Variants in ZMYM1 observed in about 807,000 individuals in gnomAD.
ZMYM1 encodes zinc finger MYM-type containing 1.
In ZMYM1, 39 loss-of-function variants were observed where a neutral mutation model predicts 60.0. The observed-to-expected ratio is 0.65, with a 90% CI of 0.50 to 0.85. The LOEUF (loss-of-function observed/expected upper bound fraction) is 0.85. ZMYM1 is among the 40% of genes least tolerant of loss of function. The probability of loss-of-function intolerance (pLI) is 0.00; values close to 1 mark genes in which losing one functional copy is unlikely to be tolerated. For missense variants in ZMYM1, 1,171 were observed against 1,309.5 expected, an observed-to-expected ratio of 0.89 and a Z score of 1.63; for synonymous variants, 413 against 454.0, an observed-to-expected ratio of 0.91 and a Z score of 1.15.
At chr1:35,086,488 C>T (rs939387319) in intron 1 of ZMYM1, among the ~76,000 whole-genome samples, 3 of 151,860 alleles carry the variant, frequency 2.0e-5, no homozygotes, top group Non-Finnish European at 4.4e-5. Context: ...CTGTTTGTTG[C>T]TAAATTTGTT....
intron 2 of ZMYM1, among the ~76,000 whole-genome samples, chr1:35,094,835 C>T (rs1035054997): frequency 1.3e-5 from 2 of 151,932 alleles, no homozygotes; most frequent in South Asian, 2.1e-4. Context: ...GGTAACGAAG[C>T]GAGACCCTGT....
At chr1:35,099,406 C>T (rs1251273053) in intron 4 of ZMYM1, among the ~76,000 whole-genome samples, 1 of 152,052 alleles carries the variant, frequency 6.6e-6, no homozygotes, top group Non-Finnish European at 1.5e-5. Context: ...AGCAGATGTC[C>T]CAGACAGATT....
intron 2 of ZMYM1, among the ~76,000 whole-genome samples, chr1:35,095,124 G>GA (rs1210247316): frequency 2.0e-5 from 3 of 151,902 alleles, no homozygotes; most frequent in African/African-American, 7.3e-5. Context: ...CTCCTGCTCT[G>GA]AAAAAATTGT....
At chr1:35,108,277 A>G (rs1643960850) in intron 6 of ZMYM1, among the ~76,000 whole-genome samples, 1 of 152,206 alleles carries the variant, frequency 6.6e-6, no homozygotes, top group Admixed American at 6.5e-5. Context: ...GCCTTTGCCA[A>G]TATCCTGTTC....
intron 4 of ZMYM1, among the ~76,000 whole-genome samples, chr1:35,102,591 G>C (rs575748982): frequency 8.5e-5 from 13 of 152,266 alleles, no homozygotes; most frequent in African/African-American, 3.1e-4. Context: ...GATAAATACT[G>C]TCGTTTTACT....
intron 7 of ZMYM1, among the ~76,000 whole-genome samples, chr1:35,111,365 G>A (rs931451670): frequency 6.6e-6 from 1 of 152,102 alleles, no homozygotes; most frequent in Non-Finnish European, 1.5e-5. Flanking sequence ...ATAGTGGCTT[G>A]GGCACCAACC....
Position 35,106,108 on chromosome 1 carries a change from T to C in ZMYM1, c.807+1339T>C, listed in dbSNP as rs375164280. Among the ~76,000 whole-genome samples, 28 of 152,070 alleles carry C rather than the reference T, an allele frequency of 1.8e-4. 1 individual carries two copies. Among genetic ancestry groups the C allele is most frequent in the African/African-American group, 4.8e-4 (20 of 41,502 alleles). On this transcript the variant is annotated intron_variant, in intron 6 of 9. Transcript: ENST00000359858. ...TGTCTTTAAAAAAACAAACAAAAAA[T>C]ATCACATGCTTTCTCTGAGTCAGTC...
At chr1:35,103,448 A>G (rs1643759776) in intron 4 of ZMYM1, among the ~76,000 whole-genome samples, 1 of 152,148 alleles carries the variant, frequency 6.6e-6, no homozygotes, top group East Asian at 1.9e-4. Flanking sequence ...AATATTTTCA[A>G]GGTTTGTCCA....
chr1:35,112,089 A>G lies in ZMYM1; in HGVS notation c.1105A>G (p.Thr369Ala), dbSNP rs1215674406. Residue 369 changes from threonine (T) to alanine (A), a missense_variant and splice_region_variant, in exon 9 of 10, where the codon ACA becomes GCA. Thr to Ala is a moderately conservative substitution (Grantham distance 58). Coordinates refer to ENST00000359858, the MANE Select transcript of ZMYM1 (RefSeq NM_024772.5). ...PIMNTDVLQD[T>A]VSSVTATADV... ...GAATTTATGCTCTATTTTAACAGAT[A>G]CAGTTTCTTCAGTAACAGCAACAGC... The G allele has an allele frequency of 6.2e-7, 1 of 1,613,218 alleles. No homozygotes were observed. Among genetic ancestry groups the G allele is most frequent in the South Asian group, 1.1e-5 (1 of 90,920 alleles).
intron 4 of ZMYM1, among the ~76,000 whole-genome samples, chr1:35,101,529 T>A (rs1643657015): frequency 6.6e-6 from 1 of 150,380 alleles, no homozygotes; most frequent in Non-Finnish European, 1.5e-5. Context: ...AGTTTCTTCT[T>A]CCTCCCTTCC....
intron 1 of ZMYM1, among the ~76,000 whole-genome samples, chr1:35,072,274 T>G (rs926688974): frequency 6.6e-6 from 1 of 152,226 alleles, no homozygotes; most frequent in Non-Finnish European, 1.5e-5. Context: ...GATTTTCTAT[T>G]TCTTCATCAT....
intron 4 of ZMYM1, among the ~76,000 whole-genome samples, chr1:35,097,941 G>A (rs12117002): frequency 0.72 from 109,423 of 152,120 alleles, 42,789 homozygotes; most frequent in Non-Finnish European, 0.9. Flanking sequence ...GAGTCACTGC[G>A]CCCGGCCATT....
chr1:35,100,364 G>A (rs999424242), intron 4 of ZMYM1, among the ~76,000 whole-genome samples: 1 of 151,128 alleles, frequency 6.6e-6, no homozygotes, highest in East Asian at 2.0e-4. Flanking sequence ...GTTCACACCT[G>A]TAATCCCAGC....
upstream of ZMYM1, chr1:35,079,317 C>G (rs1481776198): frequency 6.6e-6 from 1 of 152,282 alleles, no homozygotes; most frequent in African/African-American, 2.4e-5. Flanking sequence ...CTGGGACCAC[C>G]CTGAGCCAGC....
rs764617157 is a variant in ZMYM1, at chr1:35,110,451, ATGTT to A, written c.961+10_961+13del. 1 of 1,479,472 alleles carries A rather than the reference ATGTT, an allele frequency of 6.8e-7. No homozygotes were observed. The highest frequency in any genetic ancestry group is 9.0e-7 in the Non-Finnish European group (1 of 1,116,962). 91.6% of individuals were successfully genotyped at this position (1,479,472 alleles called of 1,614,324 possible). A position where few individuals can be genotyped will look rare whatever the true frequency, so the allele number is the denominator to read the frequency against. On this transcript the variant is annotated splice_donor_5th_base_variant and intron_variant, in intron 7 of 9. Transcript: ENST00000359858. Reference sequence around the variant, plus strand: ...GCTAAGATGGAATCTTCTTCAGGTAATGTTTGTTTAGCAATTGTAGGGGTTTAGT... The same window carrying A: ...GCTAAGATGGAATCTTCTTCAGGTAATGTTTAGCAATTGTAGGGGTTTAGT...
chr1:35,061,176 T>C (rs1366232348), intron 1 of ZMYM1, among the ~76,000 whole-genome samples: 1 of 152,218 alleles, frequency 6.6e-6, no homozygotes, highest in East Asian at 1.9e-4. Context: ...CAGAAGGCTC[T>C]GGGACACTAG....
chr1:35,073,750 G>A (rs1342690643), intron 1 of ZMYM1, among the ~76,000 whole-genome samples: 1 of 151,954 alleles, frequency 6.6e-6, no homozygotes, highest in Non-Finnish European at 1.5e-5. Context: ...TCCATTTTTT[G>A]GTAGGAACTT....
chr1:35,060,151 T>TATTATG (rs1199408912), intron 1 of ZMYM1, among the ~76,000 whole-genome samples: 12 of 133,660 alleles, frequency 9.0e-5, no homozygotes, highest in Admixed American at 3.5e-4. Context: ...TTGTTATTAT[T>TATTATG]ATTATTATTA....
chr1:35,064,878 A>T (rs1489028742), intron 1 of ZMYM1, among the ~76,000 whole-genome samples: 2 of 151,714 alleles, frequency 1.3e-5, no homozygotes, highest in Non-Finnish European at 2.9e-5. Flanking sequence ...TAGTAGAGGC[A>T]GGGTTTCACC....
Sources: allele counts gnomAD v4.1 joint callset (sites outside exome capture counted in the v4.1 genomes callset), GRCh38; gene constraint gnomAD v4.1.1; transcripts MANE v1.5; gene names NCBI Gene and HGNC (gene_info 2026-07-23, HGNC 2026-07-21).